The following DNM1 variants were observed in gnomAD, a reference collection of about 807,000 sequenced individuals.
DNM1 encodes dynamin-1.
A neutral mutation model predicts 104.6 loss-of-function variants in DNM1; 29 were observed. That is an observed-to-expected ratio of 0.28 (90% CI 0.21 to 0.38). The LOEUF is 0.38. Among genes scored for constraint, DNM1 ranks in the 10% least tolerant of loss-of-function variants. DNM1 has a pLI of 1.00. For missense variants in DNM1, 640 were observed against 1,189.4 expected, an observed-to-expected ratio of 0.54 and a Z score of 6.79; for synonymous variants, 445 against 475.8, an observed-to-expected ratio of 0.94 and a Z score of 0.84.
At chr9:128,232,596 C>G (rs1835763268) in intron 10 of DNM1, 1 of 153,340 alleles carries the variant, frequency 6.5e-6, no homozygotes, top group African/African-American at 2.4e-5. Context: ...CTCAGGCACA[C>G]CAATCCCTGG....
rs760172356 is a variant in DNM1 at position 128,218,684 on chromosome 9, A to G, written c.338A>G (p.Lys113Arg). 6.2e-7 allele frequency: 1 copy of G among 1,612,504 alleles called. No homozygotes were observed. ...ACCGACAGGGTCACCGGCACCAACA[A>G]GGGCATCTCGCCGGTGCCTATCAAC... ...AETDRVTGTNKGISPVPINLR... is the reference protein window; with the variant it reads ...AETDRVTGTNRGISPVPINLR... The change falls in exon 3 of 22, where the codon AAG becomes AGG. Residue 113 changes from lysine to arginine, a missense_variant. Lys to Arg is a conservative substitution (Grantham distance 26). Around this residue, in one of 7 missense-constraint regions of DNM1, gnomAD observed 172 missense variants for 335.3 expected, o/e 0.51. Transcript: ENST00000372923. This position sits in a 1 kb window ranked among gnomAD's most constrained non-coding sequence, Gnocchi z 4.8.
rs1236836539 is a variant in DNM1 at position 128,244,636 on chromosome 9, C to T, written c.1672-1758C>T. The T allele has an allele frequency of 2.8e-5, 12 of 421,502 alleles. 1 individual carries two copies. The highest frequency in any genetic ancestry group is 5.6e-5 in the Non-Finnish European group (11 of 196,762). 26.1% of individuals were successfully genotyped at this position (421,502 alleles called of 1,614,324 possible). ...CATCCATCTGTGCCTCCTCCCAGCC[C>T]GCCCTGTGCCCCAACCCCCTGGCTC... On this transcript the variant is annotated intron_variant, in intron 15 of 21. Transcript: ENST00000372923.
chr9:128,242,326 C>A lies in DNM1; in HGVS notation c.1652C>A (p.Ser551Tyr). 6.2e-7 allele frequency: 1 copy of A among 1,604,048 alleles called. No individual in the cohort carries two copies. Among genetic ancestry groups the A allele is most frequent in the Non-Finnish European group, 8.5e-7 (1 of 1,170,846 alleles). ...YWFVLTAENL[S>Y]WYKDDEEKEK... ...TTTGTGCTGACTGCTGAGAATCTGTCCTGGTACAAGGATGATGAGGTGAGT... is the reference window on the plus strand; with the variant it reads ...TTTGTGCTGACTGCTGAGAATCTGTACTGGTACAAGGATGATGAGGTGAGT... Residue 551 changes from serine (S) to tyrosine (Y), a missense_variant, in exon 15 of 22, where the codon TCC (serine) becomes TAC (tyrosine). Physicochemically the swap from Ser to Tyr is moderately radical, Grantham distance 144. This residue lies in a region of DNM1 where 91 missense variants were observed against 256.3 expected (regional missense o/e 0.36). Transcript: ENST00000372923.
At chr9:128,234,222 C>A in intron 11 of DNM1, 115 bp downstream of exon 11, 1 of 808,468 alleles carries the variant, frequency 1.2e-6, no homozygotes, top group Non-Finnish European at 1.9e-6. Context: ...CTGTCTCAGT[C>A]TTCCTCTGTC....
intron 1 of DNM1, among the ~76,000 whole-genome samples, chr9:128,206,198 C>T (rs754957926): frequency 4.6e-5 from 7 of 152,224 alleles, no homozygotes; most frequent in South Asian, 2.1e-4. Flanking sequence ...CAATCCCCAA[C>T]AGAAAATGCT....
chr9:128,207,856 G>A (rs930922631), intron 1 of DNM1, among the ~76,000 whole-genome samples: 1 of 152,066 alleles, frequency 6.6e-6, no homozygotes, highest in African/African-American at 2.4e-5. Flanking sequence ...GGGCTGGGAG[G>A]TGCACCAGGA....
intron 10 of DNM1, among the ~76,000 whole-genome samples, chr9:128,233,140 G>A (rs1450367463): frequency 2.0e-5 from 3 of 152,238 alleles, no homozygotes; most frequent in East Asian, 1.9e-4. Flanking sequence ...AGAGGGGGAC[G>A]GGTTTGGAGC....
chr9:128,234,137 GCCTT>G, intron 11 of DNM1, 30 bp downstream of exon 11: 1 of 1,496,920 alleles, frequency 6.7e-7, no homozygotes, highest in Non-Finnish European at 9.0e-7. Context: ...GCCTGGCCGC[GCCTT>G]CCTTCCACTC....
rs746130356 is a variant in DNM1 at position 128,226,193 on chromosome 9, G to T, written c.1335+1804G>T. ...GAAAAGGTATGACGGCCGCCTGGGCGGGGCTGGGCCTGGCCGTCCATTCCT... is the reference window on the plus strand; with the variant it reads ...GAAAAGGTATGACGGCCGCCTGGGCTGGGCTGGGCCTGGCCGTCCATTCCT... On this transcript the variant is annotated intron_variant, in intron 10 of 21. Coordinates refer to ENST00000372923, the MANE Select transcript of DNM1 (RefSeq NM_004408.4). 4.3e-6 allele frequency: 7 copies of T among 1,612,288 alleles called. No individual in the cohort carries two copies. The East Asian group carries it at 1.6e-4, about 36-fold the overall frequency.
Position 128,220,740 on chromosome 9 carries a change from CGCGT to C in DNM1, c.849+401_849+404del, listed in dbSNP as rs1834905873. ...TCCAGAACTGAAGTGCGCGCGCGCG[CGCGT>C]GTGTGTGTGTGTGTGTGTGTGTGTC... is the stretch of plus-strand genomic sequence containing the variant. On this transcript the variant is annotated intron_variant, in intron 6 of 21. Transcript: ENST00000372923. This position sits in a 1 kb window ranked among gnomAD's most constrained non-coding sequence, Gnocchi z 5.2. Among the ~76,000 whole-genome samples, 55 of 125,700 alleles carry C rather than the reference CGCGT, an allele frequency of 4.4e-4. No homozygotes were observed. The highest frequency in any genetic ancestry group is 1.1e-3 in the African/African-American group (39 of 34,510). 82.5% of individuals were successfully genotyped at this position (125,700 alleles called of 152,430 possible).
rs986129698 is a variant in DNM1, at chr9:128,203,480, C to T, written c.10C>T (p.Arg4Cys). 1 of 1,511,432 alleles carries T rather than the reference C, an allele frequency of 6.6e-7. No homozygotes were observed. Among genetic ancestry groups the T allele is most frequent in the African/African-American group, 1.4e-5 (1 of 69,552 alleles). The allele number at this position is 1,511,432 out of a possible 1,614,324, so 93.6% of individuals were successfully genotyped here. Residue 4 changes from arginine (R) to cysteine (C), a missense_variant, in exon 1 of 22, where the codon CGC (arginine) becomes TGC (cysteine). By Grantham distance (180) the Arg-to-Cys change is radical (BLOSUM62 -3). Coordinates refer to ENST00000372923, the MANE Select transcript of DNM1 (RefSeq NM_004408.4). This position sits in a 1 kb window ranked among gnomAD's most constrained non-coding sequence, Gnocchi z 5.3. MGN[R>C]GMEDLIPLVN... ...GGGGCCCGCCGCAGCCATGGGCAAC[C>T]GCGGCATGGAAGATCTCATCCCGCT...
At chr9:128,225,157 C>T (rs1835263753) in intron 10 of DNM1, among the ~76,000 whole-genome samples, 1 of 152,140 alleles carries the variant, frequency 6.6e-6, no homozygotes, top group Admixed American at 6.5e-5. Context: ...TTACTTGAAG[C>T]CACGGCTCTG....
Position 128,203,427 on chromosome 9 carries a change from C to A in DNM1, c.-44C>A. On this transcript the variant is annotated 5_prime_UTR_variant, in exon 1 of 22. Coordinates refer to ENST00000372923, the MANE Select transcript of DNM1 (RefSeq NM_004408.4). The surrounding 1 kb of genome is among the most constrained non-coding windows in gnomAD (Gnocchi z 5.3). ...GCGGAGCCGGAGTCGGAGCCGGGAG[C>A]GCTAGCGGCAGCCGGATCGCAGCCT... 2 of 1,414,960 alleles carry A rather than the reference C, an allele frequency of 1.4e-6. No homozygotes were observed. The highest frequency in any genetic ancestry group is 1.9e-6 in the Non-Finnish European group (2 of 1,080,588). 87.7% of individuals were successfully genotyped at this position (1,414,960 alleles called of 1,614,324 possible).
intron 11 of DNM1, among the ~76,000 whole-genome samples, chr9:128,238,804 C>T (rs1380343058): frequency 4.8e-5 from 7 of 146,574 alleles, no homozygotes; most frequent in African/African-American, 1.8e-4. Flanking sequence ...TACAGGAGCC[C>T]GCCACCACGC....
rs769274262 is a variant in DNM1, at chr9:128,220,929, CTTTCT to C, written c.849+601_849+605del. Among the ~76,000 whole-genome samples, 9 of 128,854 alleles carry C rather than the reference CTTTCT, an allele frequency of 7.0e-5. No individual in the cohort carries two copies. The highest frequency in any genetic ancestry group is 2.3e-4 in the African/African-American group (8 of 35,028). 84.5% of individuals were successfully genotyped at this position (128,854 alleles called of 152,430 possible). ...TCTTTCTTTCTTTCTTTCTTTCTTT[CTTTCT>C]TTTCTTTTCTTTCTTTCTTTCCTTT... On this transcript the variant is annotated intron_variant, in intron 6 of 21. Coordinates refer to ENST00000372923, the MANE Select transcript of DNM1 (RefSeq NM_004408.4). This position sits in a 1 kb window ranked among gnomAD's most constrained non-coding sequence, Gnocchi z 5.2.
rs1301444904 is a variant in DNM1 at position 128,240,116 on chromosome 9, C to A, written c.1557+120C>A. On this transcript the variant is annotated intron_variant, in intron 14 of 21. Coordinates refer to ENST00000372923, the MANE Select transcript of DNM1 (RefSeq NM_004408.4). The surrounding 1 kb of genome is among the most constrained non-coding windows in gnomAD (Gnocchi z 5.1). ...GGCTGAAGCTGCTTGTACACACCAG[C>A]CCCTGGCATTTCACACCTGCCCTCA... 1.8e-5 allele frequency: 22 copies of A among 1,203,700 alleles called. No homozygotes were observed. Among genetic ancestry groups the A allele is most frequent in the Non-Finnish European group, 2.7e-5 (22 of 813,962 alleles). The allele number at this position is 1,203,700 out of a possible 1,614,324, so 74.6% of individuals were successfully genotyped here. A position where few individuals can be genotyped will look rare whatever the true frequency, so the allele number is the denominator to read the frequency against.
rs1466734448 is a variant in DNM1 at position 128,222,769 on chromosome 9, G to A, written c.1129-24G>A. 31 of 1,613,780 alleles carry A rather than the reference G, an allele frequency of 1.9e-5. No individual in the cohort carries two copies. Among genetic ancestry groups the A allele is most frequent in the Non-Finnish European group, 2.5e-5 (29 of 1,179,858 alleles). On this transcript the variant is annotated intron_variant, in intron 8 of 21. Coordinates refer to ENST00000372923, the MANE Select transcript of DNM1 (RefSeq NM_004408.4). This position sits in a 1 kb window ranked among gnomAD's most constrained non-coding sequence, Gnocchi z 7.8. ...AGGTAGTAGGACAGGCCCTGACCAG[G>A]CTTTTCTCTGCTTTTCTACACAGAT...
intron 1 of DNM1, among the ~76,000 whole-genome samples, chr9:128,205,133 T>A (rs1439726156): frequency 6.6e-6 from 1 of 151,994 alleles, no homozygotes; most frequent in Non-Finnish European, 1.5e-5. Context: ...CCCCTTCTGA[T>A]CACATGACCC....
In DNM1 at chr9:128,253,027, T is replaced by C; in HGVS notation, c.2535-1627T>C. The stretch of plus-strand genomic sequence containing the variant: ...GTGTGCACGCCCGGGCGTGTGCGTG[T>C]GTGTGTCCCCCACCCCCAGGCCGGC... On this transcript the variant is annotated intron_variant, in intron 21 of 21. Transcript: ENST00000372923. This position sits in a 1 kb window ranked among gnomAD's most constrained non-coding sequence, Gnocchi z 5.9. 3 of 1,464,480 alleles carry C rather than the reference T, an allele frequency of 2.0e-6. No homozygotes were observed. The highest frequency in any genetic ancestry group is 2.9e-6 in the Non-Finnish European group (3 of 1,047,964). The allele number at this position is 1,464,480 out of a possible 1,614,324, so 90.7% of individuals were successfully genotyped here.
Sources: gnomAD v4.1 joint callset for allele counts (sites outside exome capture counted in the v4.1 genomes callset) on GRCh38, gnomAD v4.1.1 for gene constraint, gnomAD v4.1.1 regional missense constraint, Gnocchi (gnomAD v3.1) non-coding constraint, MANE v1.5 for transcripts, NCBI Gene and HGNC (gene_info 2026-07-23, HGNC 2026-07-21) for gene names.